The following ZNF268 variants were observed in gnomAD, a reference collection of about 807,000 sequenced individuals.
ZNF268 encodes the protein zinc finger protein 268, also known as zinc finger protein 3.
A neutral mutation model predicts 29.3 loss-of-function variants in ZNF268; 20 were observed. The observed-to-expected ratio is 0.68, with a 90% CI of 0.48 to 0.99. The LOEUF (loss-of-function observed/expected upper bound fraction) is 0.99, where lower values mean the gene tolerates loss of function less well. Among genes scored for constraint, ZNF268 ranks in the 50% least tolerant of loss-of-function variants. The pLI is 0.00. For missense variants in ZNF268, 1,240 were observed against 1,121.6 expected, an observed-to-expected ratio of 1.11 and a Z score of -1.51; for synonymous variants, 429 against 376.9, an observed-to-expected ratio of 1.14 and a Z score of -1.60.
At chr12:133,195,091 A>G (rs1030234546) in intron 5 of ZNF268, among the ~76,000 whole-genome samples, 4 of 152,216 alleles carry the variant, frequency 2.6e-5, no homozygotes, top group Admixed American at 6.5e-5. Flanking sequence ...TGAACACCAC[A>G]TGGTAGCCAC....
At chr12:133,196,766 A>G (rs892263453) in intron 5 of ZNF268, among the ~76,000 whole-genome samples, 1 of 152,220 alleles carries the variant, frequency 6.6e-6, no homozygotes, top group Admixed American at 6.5e-5. Context: ...GTGAAAACCG[A>G]AAGTGCTCAT....
chr12:133,204,357 C>T lies in ZNF268; in HGVS notation c.2671C>T (p.Pro891Ser). 4 of 1,570,534 alleles carry T rather than the reference C, an allele frequency of 2.5e-6. No homozygotes were observed. Among genetic ancestry groups the T allele is most frequent in the Non-Finnish European group, 3.4e-6 (4 of 1,161,906 alleles). The change falls in exon 6 of 6, where the codon CCC becomes TCC. Residue 891 changes from proline to serine, a missense_variant. Pro to Ser is a moderately conservative substitution (Grantham distance 74). Coordinates refer to ENST00000536435, the MANE Select transcript of ZNF268 (RefSeq NM_003415.3). The stretch of plus-strand genomic sequence containing the variant: ...TCAAAGAACTCATTCAGGAGAGAAA[C>T]CCTATGGGTGCAATGAATGTGGGAA... ...VHQRTHSGEK[P>S]YGCNECGKTF... is the part of the protein sequence containing the mutation.
Position 133,206,506 on chromosome 12 carries a change from T to G in ZNF268, c.*1976T>G, listed in dbSNP as rs568757533. 2.0e-5 allele frequency: 3 copies of G among 152,320 alleles called. No homozygotes were observed. Among genetic ancestry groups the G allele is most frequent in the African/African-American group, 7.2e-5 (3 of 41,552 alleles). 9.4% of individuals were successfully genotyped at this position (152,320 alleles called of 1,614,324 possible). ...CCAGTTGCTTACTCACAAAGTTAGT[T>G]TTCTTCACTACCTCATCAGGTTTGT... On this transcript the variant is annotated 3_prime_UTR_variant, in exon 6 of 6. Coordinates refer to ENST00000536435, the MANE Select transcript of ZNF268 (RefSeq NM_003415.3).
At position 133,206,490 on chromosome 12, in the gene ZNF268, T is replaced by C. The variant is rs535555384; in HGVS notation, c.*1960T>C. On this transcript the variant is annotated 3_prime_UTR_variant, in exon 6 of 6. Transcript: ENST00000536435. The stretch of plus-strand genomic sequence containing the variant: ...GTGGTGAAAAACTCTGCCAGTTGCT[T>C]ACTCACAAAGTTAGTTTTCTTCACT... 1 of 152,326 alleles carries C rather than the reference T, an allele frequency of 6.6e-6. No homozygotes were observed. Among genetic ancestry groups the C allele is most frequent in the Non-Finnish European group, 1.5e-5 (1 of 68,036 alleles). 9.4% of individuals were successfully genotyped at this position (152,326 alleles called of 1,614,324 possible). A position where few individuals can be genotyped will look rare whatever the true frequency, so the allele number is the denominator to read the frequency against.
At position 133,199,697 on chromosome 12, in the gene ZNF268, A is replaced by T. The variant is rs553146853; in HGVS notation, c.458-2447A>T. 1.1e-4 allele frequency among the ~76,000 whole-genome samples: 16 copies of T among 152,290 alleles called. No individual in the cohort carries two copies. In the South Asian group the frequency reaches 2.5e-3, roughly 24 times the overall value. On this transcript the variant is annotated intron_variant, in intron 5 of 5. Transcript: ENST00000536435. ...CTTTTTGGTTGGTAAGCTATTGATTATTGCCACAATTTCAGAGCCTGTTAT... is the reference window on the plus strand; with the variant it reads ...CTTTTTGGTTGGTAAGCTATTGATTTTTGCCACAATTTCAGAGCCTGTTAT...
rs532397791 is a variant in ZNF268 at position 133,203,971 on chromosome 12, A to G, written c.2285A>G (p.Asn762Ser). The change falls in exon 6 of 6, where the codon AAT (asparagine) becomes AGT (serine). Residue 762 changes from asparagine to serine, a missense_variant. Physicochemically the swap from Asn to Ser is conservative, Grantham distance 46. Coordinates refer to ENST00000536435, the MANE Select transcript of ZNF268 (RefSeq NM_003415.3). Reference sequence around the variant, plus strand: ...TGCAGTGAATGTGGGAAAGCCTTTAATAGGAAAGACCAGCTCATTTCACAT... The same window carrying G: ...TGCAGTGAATGTGGGAAAGCCTTTAGTAGGAAAGACCAGCTCATTTCACAT... Reference protein sequence around the residue: ...YECSECGKAFNRKDQLISHQR... With the variant: ...YECSECGKAFSRKDQLISHQR... 12 of 1,591,210 alleles carry G rather than the reference A, an allele frequency of 7.5e-6. No homozygotes were observed. Among genetic ancestry groups the G allele is most frequent in the South Asian group, 1.1e-5 (1 of 88,792 alleles).
chr12:133,193,605 C>G, intron 5 of ZNF268: 1 of 542,400 alleles, frequency 1.8e-6, no homozygotes, highest in East Asian at 3.0e-5. Flanking sequence ...CTTTTAGAAA[C>G]GACTAATCCA....
Position 133,203,639 on chromosome 12 carries a change from C to G in ZNF268, c.1953C>G (p.Phe651Leu). Residue 651 changes from phenylalanine to leucine, a missense_variant, in exon 6 of 6, where the codon TTC becomes TTG. This residue lies in a region of ZNF268 where 1,177 missense variants were observed against 1,039.6 expected (regional missense o/e 1.13). Coordinates refer to ENST00000536435, the MANE Select transcript of ZNF268 (RefSeq NM_003415.3). ...ATGAATGTGGAAAAGCCTTTACGTTCAAATCACAGCTCATTGTACATAAAG... is the reference window on the plus strand; with the variant it reads ...ATGAATGTGGAAAAGCCTTTACGTTGAAATCACAGCTCATTGTACATAAAG... ...SCNECGKAFT[F>L]KSQLIVHKGV... 1 of 1,559,306 alleles carries G rather than the reference C, an allele frequency of 6.4e-7. No individual in the cohort carries two copies. Among genetic ancestry groups the G allele is most frequent in the South Asian group, 1.2e-5 (1 of 85,618 alleles).
chr12:133,199,982 C>T (rs1386433982), intron 5 of ZNF268, among the ~76,000 whole-genome samples: 2 of 152,176 alleles, frequency 1.3e-5, no homozygotes, highest in African/African-American at 4.8e-5. Context: ...AAACCAGCTC[C>T]TGGATTCATT....
intron 5 of ZNF268, among the ~76,000 whole-genome samples, chr12:133,194,375 T>A (rs751697776): frequency 4.6e-5 from 7 of 152,182 alleles, no homozygotes; most frequent in Non-Finnish European, 8.8e-5. Context: ...ACTAAGTGAT[T>A]GACTCACTCA....
chr12:133,207,462 T>C lies in ZNF268; in HGVS notation c.*2932T>C, dbSNP rs1956920659. ...CTATTAGTGGATCCAGCATCCTTTG[T>C]TCATTACCAGCAGAATCACTATTAT... On this transcript the variant is annotated 3_prime_UTR_variant, in exon 6 of 6. Coordinates refer to ENST00000536435, the MANE Select transcript of ZNF268 (RefSeq NM_003415.3). 6.6e-6 allele frequency: 1 copy of C among 152,248 alleles called. No individual in the cohort carries two copies. Among genetic ancestry groups the C allele is most frequent in the South Asian group, 2.1e-4 (1 of 4,832 alleles). 9.4% of individuals were successfully genotyped at this position (152,248 alleles called of 1,614,324 possible).
In ZNF268 at chr12:133,212,488, T is replaced by C. The variant is rs1249829600; in HGVS notation, c.*7958T>C. The C allele has an allele frequency of 5.4e-3, 51 of 9,472 alleles. 2 individuals are homozygous for C. Among genetic ancestry groups the C allele is most frequent in the African/African-American group, 0.038 (43 of 1,138 alleles). 0.6% of individuals were successfully genotyped at this position (9,472 alleles called of 1,614,324 possible). A position where few individuals can be genotyped will look rare whatever the true frequency, so the allele number is the denominator to read the frequency against. ...ATATATATATATATATATATATATA[T>C]ATATATATATGTATATATACACACA... is the stretch of plus-strand genomic sequence containing the variant. On this transcript the variant is annotated 3_prime_UTR_variant, in exon 6 of 6. Coordinates refer to ENST00000536435, the MANE Select transcript of ZNF268 (RefSeq NM_003415.3).
chr12:133,195,351 A>G (rs1249324528), intron 5 of ZNF268, among the ~76,000 whole-genome samples: 1 of 152,156 alleles, frequency 6.6e-6, no homozygotes, highest in African/African-American at 2.4e-5. Flanking sequence ...GTCTCGAATC[A>G]TGTTTAAATA....
chr12:133,200,880 A>G (rs12305809), intron 5 of ZNF268, among the ~76,000 whole-genome samples: 94,460 of 151,770 alleles, frequency 0.62, 30,779 homozygotes, highest in African/African-American at 0.79. Context: ...ATAGAAAGGT[A>G]ATTTACTTCT....
chr12:133,196,859 C>T (rs1053528291), intron 5 of ZNF268, among the ~76,000 whole-genome samples: 2 of 151,964 alleles, frequency 1.3e-5, no homozygotes, highest in Non-Finnish European at 2.9e-5. Context: ...TGGTTGTATA[C>T]AAAATGAATA....
chr12:133,184,789 C>A, intron 2 of ZNF268: 1 of 423,184 alleles, frequency 2.4e-6, no homozygotes, highest in Non-Finnish European at 4.8e-6. Context: ...GCTAATTGGC[C>A]CCACCTCTTA....
Position 133,202,361 on chromosome 12 carries a change from T to G in ZNF268, c.675T>G (p.Asn225Lys). The G allele has an allele frequency of 6.2e-7, 1 of 1,611,376 alleles. No homozygotes were observed. The highest frequency in any genetic ancestry group is 8.5e-7 in the Non-Finnish European group (1 of 1,178,594). The part of the protein sequence containing the change: ...FTSDYARNNP[N>K]GFQVHGKSFF... ...GTGATTATGCTAGAAATAATCCTAATGGGTTTCAGGTACATGGAAAATCAT... is the reference window on the plus strand; with the variant it reads ...GTGATTATGCTAGAAATAATCCTAAGGGGTTTCAGGTACATGGAAAATCAT... Residue 225 changes from asparagine (N) to lysine (K), a missense_variant, in exon 6 of 6, where the codon AAT becomes AAG. Physicochemically the swap from Asn to Lys is moderately conservative, Grantham distance 94. Transcript: ENST00000536435.
rs371778078 is a variant in ZNF268, at chr12:133,213,539, GAA to G, written c.*9018_*9019del. The G allele has an allele frequency of 0.24, 34,660 of 144,682 alleles. 4,667 individuals carry two copies. Among genetic ancestry groups the G allele is most frequent in the East Asian group, 0.67 (3,338 of 4,974 alleles). The allele number at this position is 144,682 out of a possible 1,614,324, so 9.0% of individuals were successfully genotyped here. A position where few individuals can be genotyped will look rare whatever the true frequency, so the allele number is the denominator to read the frequency against. On this transcript the variant is annotated 3_prime_UTR_variant, in exon 6 of 6. Transcript: ENST00000536435. ...TCTCTACTAAAAATAAAAAAAAAGAGAAAAAAAAAAGCCGGGTGTGGTGGCAT... is the reference window on the plus strand; with the variant it reads ...TCTCTACTAAAAATAAAAAAAAAGAGAAAAAAAAGCCGGGTGTGGTGGCAT...
chr12:133,185,158 C>T (rs1024356173), intron 2 of ZNF268, among the ~76,000 whole-genome samples: 1 of 146,272 alleles, frequency 6.8e-6, no homozygotes, highest in Admixed American at 7.0e-5. Context: ...GCACTCCAAT[C>T]TGGCGACAGA....
Sources: gnomAD v4.1 joint callset for allele counts (sites outside exome capture counted in the v4.1 genomes callset) on GRCh38, gnomAD v4.1.1 for gene constraint, gnomAD v4.1.1 regional missense constraint, MANE v1.5 for transcripts, NCBI Gene and HGNC (gene_info 2026-07-23, HGNC 2026-07-21) for gene names.